CCM2: variants seen among roughly 807,000 people sequenced by gnomAD.
CCM2 encodes cerebral cavernous malformations 2 protein.
Under a neutral mutation model 44.9 loss-of-function variants are expected in CCM2, and 25 were observed. The observed-to-expected ratio is 0.56, with a 90% CI of 0.41 to 0.78. The LOEUF is 0.78. Ranked by LOEUF, CCM2 falls within the 30% of genes least tolerant of loss-of-function variation. The pLI, the probability that CCM2 is intolerant of heterozygous loss-of-function variation, is 0.00. For missense variants in CCM2, 481 were observed against 580.6 expected (o/e 0.83, Z 1.76); for synonymous variants, 219 against 241.1 (o/e 0.91, Z 0.85).
chr7:45,015,012 T>A (rs1485750280), intron 1 of CCM2, among the ~76,000 whole-genome samples: 2 of 152,206 alleles, frequency 1.3e-5, no homozygotes, highest in African/African-American at 2.4e-5. Context: ...CTTGTCTTTC[T>A]TTAAACACTT....
Position 45,038,427 on chromosome 7 carries a change from G to T in CCM2, c.204+1G>T. ...CGACTATATTGAGAAGGAGGTAAAG[G>T]TAAGTCGTCATGGGCCACAGGACGT... On this transcript the variant is annotated splice_donor_variant, in intron 2 of 9. Coordinates refer to ENST00000258781, the MANE Select transcript of CCM2 (RefSeq NM_031443.4). LOFTEE classifies it high-confidence loss of function. 1 of 1,613,914 alleles carries T rather than the reference G, an allele frequency of 6.2e-7. No individual in the cohort carries two copies.
intron 1 of CCM2, among the ~76,000 whole-genome samples, chr7:45,033,161 G>A (rs752531151): frequency 3.3e-5 from 5 of 151,130 alleles, no homozygotes; most frequent in Admixed American, 2.6e-4. Flanking sequence ...ACAGATGGCC[G>A]TCCTGGTTTC....
At chr7:45,036,944 C>T (rs1185670708) in intron 1 of CCM2, among the ~76,000 whole-genome samples, 1 of 152,142 alleles carries the variant, frequency 6.6e-6, no homozygotes, top group African/African-American at 2.4e-5. Flanking sequence ...GTCATCTCCT[C>T]CTGCGTTTCC....
At position 45,076,342 on chromosome 7, in the gene CCM2, GA is replaced by G. The variant is rs1333423754; in HGVS notation, c.*286del. The G allele has an allele frequency of 3.2e-6, 2 of 616,128 alleles. No homozygotes were observed. Among genetic ancestry groups the G allele is most frequent in the African/African-American group, 3.6e-5 (2 of 55,232 alleles). 38.2% of individuals were successfully genotyped at this position (616,128 alleles called of 1,614,324 possible). Reference sequence around the variant, plus strand: ...GAGGGCCCGGCCGAGCGGGCAGGGAGAGCCAGTCCTGTCGGCTGGGCCCTTG... The same window carrying G: ...GAGGGCCCGGCCGAGCGGGCAGGGAGGCCAGTCCTGTCGGCTGGGCCCTTG... On this transcript the variant is annotated 3_prime_UTR_variant, in exon 10 of 10. Transcript: ENST00000258781.
At chr7:45,014,879 C>T (rs1796204988) in intron 1 of CCM2, among the ~76,000 whole-genome samples, 1 of 152,178 alleles carries the variant, frequency 6.6e-6, no homozygotes, top group Non-Finnish European at 1.5e-5. Flanking sequence ...ACCTCAGCCT[C>T]CCAAAGTGCT....
chr7:45,047,232 G>GA (rs1377657823), intron 2 of CCM2, among the ~76,000 whole-genome samples: 4 of 152,058 alleles, frequency 2.6e-5, no homozygotes, highest in Non-Finnish European at 1.5e-5. Context: ...CCAGGGAAAT[G>GA]AAAATTTATG....
intron 2 of CCM2, among the ~76,000 whole-genome samples, chr7:45,042,615 A>G (rs574933204): frequency 6.6e-6 from 1 of 152,300 alleles, no homozygotes; most frequent in African/African-American, 2.4e-5. Context: ...GTGGCACAAC[A>G]TTCTTCAAGT....
chr7:45,059,176 C>T (rs932440160), intron 2 of CCM2, among the ~76,000 whole-genome samples: 4 of 152,096 alleles, frequency 2.6e-5, no homozygotes, highest in African/African-American at 9.7e-5. Context: ...TCACTGCCCC[C>T]GCTACGATTG....
At chr7:45,012,868 T>A (rs1363140969) in intron 1 of CCM2, among the ~76,000 whole-genome samples, 2 of 152,168 alleles carry the variant, frequency 1.3e-5, no homozygotes, top group African/African-American at 2.4e-5. Flanking sequence ...TTATGCTGCA[T>A]GTTTGCATGG....
At chr7:45,005,311 A>G (rs1424503179) in intron 1 of CCM2, among the ~76,000 whole-genome samples, 2 of 152,226 alleles carry the variant, frequency 1.3e-5, no homozygotes, top group Non-Finnish European at 2.9e-5. Flanking sequence ...TTAATTTTCA[A>G]CATATTGTCA....
Position 45,055,407 on chromosome 7 carries a change from G to A in CCM2, c.205-8511G>A, listed in dbSNP as rs189131094. On this transcript the variant is annotated intron_variant, in intron 2 of 9. Transcript: ENST00000258781. ...TAAAATATACATAAGATTTATTATC[G>A]GCCGGGCCCGGTGGCTCATGCCTGT... Among the ~76,000 whole-genome samples, 130 of 152,176 alleles carry A rather than the reference G, an allele frequency of 8.5e-4. 1 individual carries two copies. In the East Asian group the frequency reaches 0.023, roughly 27 times the overall value.
intron 6 of CCM2, chr7:45,071,897 C>T (rs11976695): frequency 0.1 from 46,191 of 456,302 alleles, 4,159 homozygotes; most frequent in African/African-American, 0.28. Flanking sequence ...ATCCTTTACT[C>T]CCCTTTGAAA....
intron 1 of CCM2, among the ~76,000 whole-genome samples, chr7:45,024,584 G>A (rs1291619659): frequency 1.3e-5 from 2 of 152,132 alleles, no homozygotes; most frequent in African/African-American, 4.8e-5. Context: ...TCAAAAGGGG[G>A]TTTTTAGAGT....
intron 1 of CCM2, among the ~76,000 whole-genome samples, chr7:45,002,697 C>T (rs1408187502): frequency 6.6e-6 from 1 of 152,098 alleles, no homozygotes; most frequent in Non-Finnish European, 1.5e-5. Flanking sequence ...GTCACCTCAG[C>T]ACATGTGGTG....
chr7:45,003,744 C>T (rs1015968254), intron 1 of CCM2, among the ~76,000 whole-genome samples: 1 of 150,548 alleles, frequency 6.6e-6, no homozygotes, highest in Non-Finnish European at 1.5e-5. Flanking sequence ...AAAAAAAAAA[C>T]CATCTTGTGG....
rs1378078362 is a variant in CCM2, at chr7:45,000,340, GAGGAGGGCA to G, written c.10_18del (p.Glu4_Lys6del). ...GGGAGCCGCACGCGGCGATATGGAA[GAGGAGGGCA>G]AGAAGGGCAAGAAGGTGAGCGTGCG... On this transcript the variant is annotated inframe_deletion, in exon 1 of 10. Transcript: ENST00000258781. 4 of 1,301,344 alleles carry G rather than the reference GAGGAGGGCA, an allele frequency of 3.1e-6. No individual in the cohort carries two copies. The highest frequency in any genetic ancestry group is 3.9e-6 in the Non-Finnish European group (4 of 1,017,818). 80.6% of individuals were successfully genotyped at this position (1,301,344 alleles called of 1,614,324 possible). A position where few individuals can be genotyped will look rare whatever the true frequency, so the allele number is the denominator to read the frequency against.
At chr7:45,010,438 A>G (rs1163393655) in intron 1 of CCM2, among the ~76,000 whole-genome samples, 1 of 152,116 alleles carries the variant, frequency 6.6e-6, no homozygotes, top group East Asian at 1.9e-4. Context: ...TACAGTATAC[A>G]TTGTGTTGTG....
At chr7:45,042,635 C>T (rs1263133095) in intron 2 of CCM2, among the ~76,000 whole-genome samples, 1 of 152,098 alleles carries the variant, frequency 6.6e-6, no homozygotes, top group Non-Finnish European at 1.5e-5. Flanking sequence ...TTCTGAGAGA[C>T]CCTGAGAATC....
chr7:45,032,376 TC>T (rs1168635890), intron 1 of CCM2, among the ~76,000 whole-genome samples: 7 of 152,098 alleles, frequency 4.6e-5, no homozygotes, highest in African/African-American at 1.7e-4. Context: ...TCTTTGGCGT[TC>T]CGGGGTCGCC....
Sources: gnomAD v4.1 joint callset for allele counts (sites outside exome capture counted in the v4.1 genomes callset) on GRCh38, gnomAD v4.1.1 for gene constraint, MANE v1.5 for transcripts, NCBI Gene and HGNC (gene_info 2026-07-23, HGNC 2026-07-21) for gene names.